Variants in SF1 observed in about 807,000 individuals in gnomAD.
The protein encoded by SF1 is branch point-binding protein.
In SF1, 7 loss-of-function variants were observed where a neutral mutation model predicts 62.5. The ratio of observed to expected loss-of-function variants is 0.11; its 90% CI spans 0.06 to 0.21. The LOEUF (loss-of-function observed/expected upper bound fraction) is 0.21, where lower values mean the gene tolerates loss of function less well. Among genes scored for constraint, SF1 ranks in the 10% least tolerant of loss-of-function variants. The pLI is 1.00. For missense variants in SF1, 578 were observed against 884.0 expected (o/e 0.65, Z 4.39); for synonymous variants, 394 against 323.6 (o/e 1.22, Z -2.33).
intron 1 of SF1, chr11:64,777,776 T>TTCC: frequency 8.3e-6 from 8 of 960,694 alleles, no homozygotes; most frequent in Non-Finnish European, 9.9e-6. Context: ...ACAGAGCGCC[T>TTCC]CCCGCCCGCC....
chr11:64,777,707 G>A lies in SF1; in HGVS notation c.31+655C>T, dbSNP rs537166359. The A allele has an allele frequency of 1.4e-5, 14 of 985,572 alleles. No homozygotes were observed. The East Asian group carries it at 1.4e-3, about 96-fold the overall frequency. 61.1% of individuals were successfully genotyped at this position (985,572 alleles called of 1,614,324 possible). A position where few individuals can be genotyped will look rare whatever the true frequency, so the allele number is the denominator to read the frequency against. On this transcript the variant is annotated intron_variant, in intron 1 of 12. Coordinates refer to ENST00000377390, the MANE Select transcript of SF1 (RefSeq NM_004630.4). ...GACACCAGCGGACTGGACAGCAATA[G>A]TGGGCCCCCAGTCTATACAGTTGCG...
chr11:64,777,794 C>G (rs1365840022), intron 1 of SF1: 1 of 980,664 alleles, frequency 1.0e-6, no homozygotes, highest in Admixed American at 6.2e-5. Context: ...GCCCAGCCCT[C>G]CCCCCACAGC....
chr11:64,776,433 C>T (rs773964687), intron 2 of SF1, 65 bp downstream of exon 2: 5 of 1,522,356 alleles, frequency 3.3e-6, no homozygotes, highest in Admixed American at 1.8e-5. Flanking sequence ...TCAAAAAATG[C>T]AGATCTTGCT....
chr11:64,770,223 C>T lies in SF1; in HGVS notation c.389+33G>A, dbSNP rs1242359965. On this transcript the variant is annotated intron_variant, in intron 4 of 12. Coordinates refer to ENST00000377390, the MANE Select transcript of SF1 (RefSeq NM_004630.4). Reference sequence around the variant, plus strand: ...CAGGTCACCCATGATCTGCATGTGTCTTCATCCCAGATGACCGAGCCCCTC... The same window carrying T: ...CAGGTCACCCATGATCTGCATGTGTTTTCATCCCAGATGACCGAGCCCCTC... 4.4e-6 allele frequency: 7 copies of T among 1,606,426 alleles called. No homozygotes were observed. The African/African-American group carries it at 8.0e-5, about 18-fold the overall frequency.
In SF1 at chr11:64,778,398, C is replaced by G; in HGVS notation, c.-6G>C. 8.1e-7 allele frequency: 1 copy of G among 1,228,634 alleles called. No individual in the cohort carries two copies. The highest frequency in any genetic ancestry group is 1.0e-6 in the Non-Finnish European group (1 of 984,824). The allele number at this position is 1,228,634 out of a possible 1,614,324, so 76.1% of individuals were successfully genotyped here. On this transcript the variant is annotated 5_prime_UTR_variant, in exon 1 of 13. Coordinates refer to ENST00000377390, the MANE Select transcript of SF1 (RefSeq NM_004630.4). ...GCGTTCGCTCCGGTCGCCATGGCGC[C>G]CCCGGGGACAGGCACCGGCACCTGC...
Position 64,766,985 on chromosome 11 carries a change from T to G in SF1, c.1497A>C (p.Pro499=). ...GAGGCTGCTGCTGCTGTTGTTGCCATGGGGGAAGAGGACCAGAGGGAGGGG... is the reference window on the plus strand; with the variant it reads ...GAGGCTGCTGCTGCTGTTGTTGCCAGGGGGGAAGAGGACCAGAGGGAGGGG... ...PPPPPSGPLP[P]WQQQQQQPPP... The change falls in exon 12 of 13, where the codon CCA becomes CCC. Residue 499 remains proline, a synonymous_variant. Transcript: ENST00000377390. 6.7e-7 allele frequency: 1 copy of G among 1,498,052 alleles called. No individual in the cohort carries two copies. 92.8% of individuals were successfully genotyped at this position (1,498,052 alleles called of 1,614,324 possible).
intron 1 of SF1, among the ~76,000 whole-genome samples, chr11:64,777,253 A>G (rs1939436191): frequency 6.6e-6 from 1 of 152,198 alleles, no homozygotes; most frequent in African/African-American, 2.4e-5. Context: ...CCTATACAAT[A>G]GCAGCCAAGT....
chr11:64,769,449 T>G lies in SF1; in HGVS notation c.640A>C (p.Asn214His). Reference sequence around the variant, plus strand: ...ACCTGTTCCACTGCCTTTTTGACGTTCTCCATTGTATTGGCAGTAACCAGG... The same window carrying G: ...ACCTGTTCCACTGCCTTTTTGACGTGCTCCATTGTATTGGCAGTAACCAGG... ...HALVTANTME[N>H]VKKAVEQIRN... Residue 214 changes from asparagine (N) to histidine (H), a missense_variant, in exon 6 of 13, where the codon AAC (asparagine) becomes CAC (histidine). Around this residue, in one of 7 missense-constraint regions of SF1, gnomAD observed 16 missense variants for 59.3 expected, o/e 0.27. Coordinates refer to ENST00000377390, the MANE Select transcript of SF1 (RefSeq NM_004630.4). 6.2e-7 allele frequency: 1 copy of G among 1,614,212 alleles called. No individual in the cohort carries two copies. Among genetic ancestry groups the G allele is most frequent in the Non-Finnish European group, 8.5e-7 (1 of 1,180,032 alleles).
Position 64,770,057 on chromosome 11 carries a change from A to G in SF1, c.390-4T>C, listed in dbSNP as rs778385946. ...ACTCACACGTGTTGCTGGAGGTCTA[A>G]GAAAGAAAAGCCTGTGTCACCGCAC... On this transcript the variant is annotated splice_region_variant and splice_polypyrimidine_tract_variant and intron_variant, in intron 4 of 12. Transcript: ENST00000377390. The G allele has an allele frequency of 1.6e-5, 25 of 1,612,286 alleles. No individual in the cohort carries two copies. In the South Asian group the frequency reaches 2.7e-4, roughly 18 times the overall value.
chr11:64,765,930 G>A lies in SF1; in HGVS notation c.1808C>T (p.Pro603Leu). The A allele has an allele frequency of 1.3e-6, 2 of 1,570,626 alleles. No individual in the cohort carries two copies. Among genetic ancestry groups the A allele is most frequent in the Non-Finnish European group, 1.7e-6 (2 of 1,158,628 alleles). ...AGMMYAPPPP[P>L]PPPMDPSNFV... ...GTTAGAAGGGTCCATGGGAGGCGGA[G>A]GAGGAGGGGGCGGGGCATACATCAT... The change falls in exon 13 of 13, where the codon CCT becomes CTT. Residue 603 changes from proline to leucine, a missense_variant. Around this residue, in one of 7 missense-constraint regions of SF1, gnomAD observed 410 missense variants for 452.4 expected, o/e 0.91. Transcript: ENST00000377390.
intron 1 of SF1, chr11:64,778,099 C>T: frequency 1.4e-5 from 13 of 914,558 alleles, no homozygotes; most frequent in Non-Finnish European, 1.6e-5. Flanking sequence ...GCGGCTGCGG[C>T]GGCGGGTACG....
At chr11:64,770,620 G>GA (rs1489880580) in intron 3 of SF1, 2 of 453,408 alleles carry the variant, frequency 4.4e-6, no homozygotes, top group Non-Finnish European at 3.9e-6. Context: ...TGTGAGAAAG[G>GA]AAAAAAATAA....
At position 64,765,792 on chromosome 11, in the gene SF1, A is replaced by G. The variant is rs555531141; in HGVS notation, c.*26T>C. The G allele has an allele frequency of 3.9e-6, 6 of 1,521,920 alleles. No homozygotes were observed. The highest frequency in any genetic ancestry group is 4.9e-5 in the East Asian group (2 of 40,718). 94.3% of individuals were successfully genotyped at this position (1,521,920 alleles called of 1,614,324 possible). A position where few individuals can be genotyped will look rare whatever the true frequency, so the allele number is the denominator to read the frequency against. ...AACGAGACCAATTCTCTCTATATAT[A>G]ATATATATTTTCTTAAAAAACAAGT... is the stretch of plus-strand genomic sequence containing the variant. On this transcript the variant is annotated 3_prime_UTR_variant, in exon 13 of 13. Transcript: ENST00000377390.
Position 64,765,974 on chromosome 11 carries a change from TGGAGGCGGC to T in SF1, c.1755_1763del (p.Pro588_Pro590del), listed in dbSNP as rs748304450. On this transcript the variant is annotated inframe_deletion, in exon 13 of 13. Transcript: ENST00000377390. ...ACATCATGCCGGCGGAACCAGGCGG[TGGAGGCGGC>T]GGAGGGGGAGGGGCCCCAGGCGGCA... 2.9e-5 allele frequency: 39 copies of T among 1,328,842 alleles called. No individual in the cohort carries two copies. The highest frequency in any genetic ancestry group is 8.1e-5 in the South Asian group (6 of 73,650). 82.3% of individuals were successfully genotyped at this position (1,328,842 alleles called of 1,614,324 possible). A position where few individuals can be genotyped will look rare whatever the true frequency, so the allele number is the denominator to read the frequency against.
chr11:64,775,087 G>A (rs1238392960), intron 2 of SF1, among the ~76,000 whole-genome samples: 2 of 152,142 alleles, frequency 1.3e-5, no homozygotes, highest in Non-Finnish European at 2.9e-5. Flanking sequence ...TGACTTTGCA[G>A]TTGAGTATTA....
chr11:64,767,323 C>T (rs1265380071), intron 10 of SF1, 72 bp from the exon 11 acceptor site: 2 of 1,435,092 alleles, frequency 1.4e-6, no homozygotes, highest in African/African-American at 2.8e-5. Context: ...CTGTGATAAC[C>T]TCAGTTGCTA....
rs750067656 is a variant in SF1 at position 64,766,028 on chromosome 11, G to A, written c.1710C>T (p.Pro570=). ...GCGGCAGAGGCGGCTGGACCCCGGG[G>A]GGCAGGGGCACCATAGTGGGGTTGC... is the stretch of plus-strand genomic sequence containing the variant. ...MQGNPTMVPL[P]PGVQPPLPPG... Residue 570 remains proline (P), a synonymous_variant, in exon 13 of 13, where the codon CCC becomes CCT. Coordinates refer to ENST00000377390, the MANE Select transcript of SF1 (RefSeq NM_004630.4). The A allele has an allele frequency of 1.7e-5, 28 of 1,609,702 alleles. No homozygotes were observed. Among genetic ancestry groups the A allele is most frequent in the Non-Finnish European group, 2.3e-5 (27 of 1,178,642 alleles).
At position 64,767,084 on chromosome 11, in the gene SF1, G is replaced by A. The variant is rs1455166193; in HGVS notation, c.1403-5C>T. On this transcript the variant is annotated splice_polypyrimidine_tract_variant and splice_region_variant and intron_variant, in intron 11 of 12. Coordinates refer to ENST00000377390, the MANE Select transcript of SF1 (RefSeq NM_004630.4). ...TAGGTGGTGGCGGCATCATACCTGT[G>A]GACAGGTGGAGGCAAAGATGAGGCC... is the stretch of plus-strand genomic sequence containing the variant. 1 of 1,601,222 alleles carries A rather than the reference G, an allele frequency of 6.2e-7. No homozygotes were observed. Among genetic ancestry groups the A allele is most frequent in the Non-Finnish European group, 8.5e-7 (1 of 1,172,286 alleles).
At position 64,765,107 on chromosome 11, in the gene SF1, C is replaced by A. The variant is rs523200; in HGVS notation, c.*711G>T. 146,970 of 205,774 alleles carry A rather than the reference C, an allele frequency of 0.71. 60,340 individuals are homozygous for A. The highest frequency in any genetic ancestry group is 0.9 in the Non-Finnish European group (92,589 of 103,002). The allele number at this position is 205,774 out of a possible 1,614,324, so 12.7% of individuals were successfully genotyped here. Reference sequence around the variant, plus strand: ...AAAACCCCACGCTTTAAACAAACATCTTTGGGGGTGGCTATGGCACCTTGA... The same window carrying A: ...AAAACCCCACGCTTTAAACAAACATATTTGGGGGTGGCTATGGCACCTTGA... On this transcript the variant is annotated 3_prime_UTR_variant, in exon 13 of 13. Coordinates refer to ENST00000377390, the MANE Select transcript of SF1 (RefSeq NM_004630.4).
Sources: allele counts gnomAD v4.1 joint callset (sites outside exome capture counted in the v4.1 genomes callset), GRCh38; gene constraint gnomAD v4.1.1; regional missense constraint gnomAD v4.1.1; transcripts MANE v1.5; gene names NCBI Gene and HGNC (gene_info 2026-07-23, HGNC 2026-07-21).